The following MAD1L1 variants were observed in gnomAD, a reference collection of about 807,000 sequenced individuals.
MAD1L1 encodes mitotic arrest deficient 1 like 1.
Under a neutral mutation model 96.9 loss-of-function variants are expected in MAD1L1, and 95 were observed. The ratio of observed to expected loss-of-function variants is 0.98; its 90% CI spans 0.83 to 1.16. MAD1L1 has a LOEUF of 1.16. MAD1L1 is among the 50% of genes most tolerant of loss of function. The probability of loss-of-function intolerance (pLI) is 0.00; values close to 1 mark genes in which losing one functional copy is unlikely to be tolerated. For missense variants in MAD1L1, 1,007 were observed against 954.4 expected (o/e 1.06, Z -0.73); for synonymous variants, 473 against 396.6 (o/e 1.19, Z -2.29).
intron 14 of MAD1L1, among the ~76,000 whole-genome samples, chr7:1,992,626 G>A (rs1162175599): frequency 6.6e-6 from 1 of 152,180 alleles, no homozygotes; most frequent in Non-Finnish European, 1.5e-5. Flanking sequence ...TAGGACATCT[G>A]AGGCCACCTC....
intron 15 of MAD1L1, among the ~76,000 whole-genome samples, chr7:1,971,509 A>T (rs1189963909): frequency 6.6e-6 from 1 of 152,222 alleles, no homozygotes; most frequent in African/African-American, 2.4e-5. Context: ...TATATAGTGG[A>T]GAAACAGGAT....
In MAD1L1 at chr7:1,816,753, C is replaced by A. The variant is rs185927975; in HGVS notation, c.1999-525G>T. Among the ~76,000 whole-genome samples the A allele has an allele frequency of 5.2e-3, 787 of 152,138 alleles. 8 individuals carry two copies. Among genetic ancestry groups the A allele is most frequent in the African/African-American group, 0.018 (747 of 41,516 alleles). On this transcript the variant is annotated intron_variant, in intron 18 of 18. Coordinates refer to ENST00000265854, the MANE Select transcript of MAD1L1 (RefSeq NM_001013836.2). ...CTGGAGAACGGGCAAGGAGGAGCTT[C>A]CAGACAGCGCTGCAGGCCCCAGGGG...
At chr7:2,128,752 A>G (rs181986293) in intron 11 of MAD1L1, among the ~76,000 whole-genome samples, 44 of 152,306 alleles carry the variant, frequency 2.9e-4, no homozygotes, top group Middle Eastern at 6.8e-3. Context: ...TGGGGACAGG[A>G]CAGGTGGCTG....
At chr7:2,173,755 T>A (rs948693012) in intron 10 of MAD1L1, among the ~76,000 whole-genome samples, 6 of 152,176 alleles carry the variant, frequency 3.9e-5, no homozygotes, top group African/African-American at 1.4e-4. Context: ...TCTCTCTTCC[T>A]TAGTACAATG....
intron 15 of MAD1L1, among the ~76,000 whole-genome samples, chr7:1,960,057 T>G (rs1372564559): frequency 6.6e-6 from 1 of 152,048 alleles, no homozygotes; most frequent in Non-Finnish European, 1.5e-5. Flanking sequence ...AAACCAACAC[T>G]GTGGCTGTAA....
chr7:2,112,594 T>A (rs533595453), intron 11 of MAD1L1, among the ~76,000 whole-genome samples: 1 of 152,210 alleles, frequency 6.6e-6, no homozygotes. Context: ...ACATGGTGTG[T>A]GCTGACACCT....
chr7:2,044,882 G>A (rs868453708), intron 12 of MAD1L1, among the ~76,000 whole-genome samples: 1 of 152,052 alleles, frequency 6.6e-6, no homozygotes, highest in Middle Eastern at 3.2e-3. Flanking sequence ...GAGCCCAGGG[G>A]AGGCAACAGC....
intron 15 of MAD1L1, among the ~76,000 whole-genome samples, chr7:1,972,233 C>G (rs950436186): frequency 6.6e-6 from 1 of 152,186 alleles, no homozygotes; most frequent in Non-Finnish European, 1.5e-5. Context: ...CACATGCACC[C>G]CCGTGCCTAA....
At position 1,895,654 on chromosome 7, in the gene MAD1L1, G is replaced by T. The variant is rs528084412; in HGVS notation, c.1998+2546C>A. Among the ~76,000 whole-genome samples the T allele has an allele frequency of 3.3e-5, 5 of 152,384 alleles. No individual in the cohort carries two copies. In the East Asian group the frequency reaches 9.6e-4, roughly 29 times the overall value. The stretch of plus-strand genomic sequence containing the variant: ...CCGGAACACGGCCCAGAGCAGGCAT[G>T]GTGGGTGGCCGGAAGGGTGGGGAGC... On this transcript the variant is annotated intron_variant, in intron 18 of 18. Coordinates refer to ENST00000265854, the MANE Select transcript of MAD1L1 (RefSeq NM_001013836.2).
intron 13 of MAD1L1, among the ~76,000 whole-genome samples, chr7:2,008,972 G>A (rs1417944594): frequency 6.6e-6 from 1 of 152,204 alleles, no homozygotes; most frequent in Non-Finnish European, 1.5e-5. Flanking sequence ...TGGGGAGAGG[G>A]TTTCATCACA....
intron 18 of MAD1L1, among the ~76,000 whole-genome samples, chr7:1,839,324 TGGC>T (rs1449945932): frequency 2.5e-3 from 153 of 60,024 alleles, no homozygotes; most frequent in African/African-American, 9.9e-3. Flanking sequence ...GCCTCCTGCC[TGGC>T]AGGAAAGCGT....
intron 18 of MAD1L1, among the ~76,000 whole-genome samples, chr7:1,869,915 C>T (rs1468874259): frequency 2.0e-5 from 3 of 152,188 alleles, no homozygotes; most frequent in African/African-American, 4.8e-5. Flanking sequence ...GCTGTGAGCC[C>T]AGGAAGCAAC....
chr7:2,125,673 C>A (rs1265342855), intron 11 of MAD1L1, among the ~76,000 whole-genome samples: 2 of 152,194 alleles, frequency 1.3e-5, no homozygotes, highest in Admixed American at 1.3e-4. Flanking sequence ...CTGGCCCTCT[C>A]ACCCAGAGGC....
At chr7:2,081,957 C>T (rs1317731802) in intron 11 of MAD1L1, among the ~76,000 whole-genome samples, 2 of 152,194 alleles carry the variant, frequency 1.3e-5, no homozygotes, top group African/African-American at 4.8e-5. Context: ...TAGCAGCTTC[C>T]AGGGACAGAG....
At chr7:1,956,619 G>A (rs905190842) in intron 16 of MAD1L1, among the ~76,000 whole-genome samples, 1 of 135,556 alleles carries the variant, frequency 7.4e-6, no homozygotes, top group South Asian at 2.7e-4. Context: ...CAGAGCTCAG[G>A]AGAGGGTCAC....
intron 13 of MAD1L1, among the ~76,000 whole-genome samples, chr7:2,003,784 G>A (rs1445919612): frequency 2.0e-5 from 3 of 152,176 alleles, no homozygotes; most frequent in African/African-American, 4.8e-5. Context: ...ACTGTCATCA[G>A]GAGGCAGGTG....
At chr7:2,145,659 T>C (rs1159893977) in intron 11 of MAD1L1, among the ~76,000 whole-genome samples, 1 of 152,134 alleles carries the variant, frequency 6.6e-6, no homozygotes, top group Non-Finnish European at 1.5e-5. Context: ...ATCTGCTCAC[T>C]GCGGGATGAT....
chr7:1,891,730 G>A (rs1019862291), intron 18 of MAD1L1, among the ~76,000 whole-genome samples: 6 of 151,998 alleles, frequency 3.9e-5, no homozygotes, highest in South Asian at 4.2e-4. Context: ...ATAAGCAGGC[G>A]CCACCACGCC....
At chr7:1,841,301 C>T (rs1411677025) in intron 18 of MAD1L1, among the ~76,000 whole-genome samples, 2 of 152,242 alleles carry the variant, frequency 1.3e-5, no homozygotes, top group Non-Finnish European at 2.9e-5. Context: ...CTTGGCTCCG[C>T]GTCTCGCCCG....
Sources: allele counts gnomAD v4.1 joint callset (sites outside exome capture counted in the v4.1 genomes callset), GRCh38; gene constraint gnomAD v4.1.1; transcripts MANE v1.5; gene names NCBI Gene and HGNC (gene_info 2026-07-23, HGNC 2026-07-21).